The following CIRSR variants were observed in gnomAD, a reference collection of about 807,000 sequenced individuals.
The protein encoded by CIRSR is CBF1 (RBPJ) interacting corepressor 1.
chr2:174,389,745 T>C, the CIRSR span, among the ~76,000 whole-genome samples: 1 of 152,202 alleles, frequency 6.6e-6, no homozygotes, highest in Non-Finnish European at 1.5e-5. Context: ...AGTGGTTTCC[T>C]GGGCCGGGTC....
chr2:174,351,652 C>G, the CIRSR span: 1 of 1,613,910 alleles, frequency 6.2e-7, no homozygotes, highest in Non-Finnish European at 8.5e-7. Flanking sequence ...AGTTTCTCCC[C>G]AGTACATTTC....
chr2:174,375,813 C>A, the CIRSR span, among the ~76,000 whole-genome samples: 1 of 152,060 alleles, frequency 6.6e-6, no homozygotes, highest in African/African-American at 2.4e-5. Context: ...ATCTTTATGT[C>A]CTTTGCTCCT....
At chr2:174,378,799 AAAAC>A in the CIRSR span, 1 of 768,696 alleles carries the variant, frequency 1.3e-6, no homozygotes, top group Non-Finnish European at 2.3e-6. Flanking sequence ...GTCTTAGTCA[AAAAC>A]AAACAAACAA....
At chr2:174,348,589 T>G in the CIRSR span, 1 of 1,614,106 alleles carries the variant, frequency 6.2e-7, no homozygotes, top group Non-Finnish European at 8.5e-7. Context: ...TGGCTTCTGC[T>G]GTCATTTCTT....
the CIRSR span, chr2:174,350,590 G>T: frequency 1.1e-6 from 1 of 940,116 alleles, no homozygotes; most frequent in South Asian, 1.8e-5. Flanking sequence ...CTTAGGATCA[G>T]AGTTGAATAC....
chr2:174,386,497 A>G, the CIRSR span, among the ~76,000 whole-genome samples: 2 of 151,418 alleles, frequency 1.3e-5, no homozygotes, highest in Non-Finnish European at 2.9e-5. Context: ...AGGGTTTTTA[A>G]ACAGTGATGC....
the CIRSR span, among the ~76,000 whole-genome samples, chr2:174,363,029 G>A: frequency 0.018 from 2,745 of 152,190 alleles, 78 homozygotes; most frequent in African/African-American, 0.062. Context: ...CAGTGGGAAG[G>A]GAAAAGTAAC....
chr2:174,354,430 TGATA>T, the CIRSR span, among the ~76,000 whole-genome samples: 31 of 51,020 alleles, frequency 6.1e-4, no homozygotes, highest in Non-Finnish European at 8.9e-4. Context: ...ATATATTATA[TGATA>T]TATATAATAT....
the CIRSR span, chr2:174,369,942 C>T: frequency 1.5e-3 from 2,085 of 1,357,286 alleles, 22 homozygotes; most frequent in African/African-American, 0.028. Context: ...TAAGCACATA[C>T]GGTTGGAAAA....
the CIRSR span, among the ~76,000 whole-genome samples, chr2:174,394,374 GA>G: frequency 6.6e-6 from 1 of 152,088 alleles, no homozygotes; most frequent in Non-Finnish European, 1.5e-5. Flanking sequence ...AAAAGTTATT[GA>G]GCCAACCAAA....
At chr2:174,376,562 CCGAGG>C in the CIRSR span, among the ~76,000 whole-genome samples, 13 of 149,160 alleles carry the variant, frequency 8.7e-5, no homozygotes, top group African/African-American at 3.2e-4. Context: ...CTTTGGGAGG[CCGAGG>C]CGAGTGGATC....
chr2:174,386,662 C>A, the CIRSR span, among the ~76,000 whole-genome samples: 1 of 152,182 alleles, frequency 6.6e-6, no homozygotes, highest in Non-Finnish European at 1.5e-5. Context: ...AACATTGCCA[C>A]GTTCCCTGGG....
chr2:174,391,347 G>C, the CIRSR span, among the ~76,000 whole-genome samples: 1 of 152,112 alleles, frequency 6.6e-6, no homozygotes, highest in Non-Finnish European at 1.5e-5. Flanking sequence ...TAAAATCTTA[G>C]GTTGGGCTGA....
chr2:174,386,349 CTT>C, the CIRSR span, among the ~76,000 whole-genome samples: 1 of 151,966 alleles, frequency 6.6e-6, no homozygotes, highest in East Asian at 1.9e-4. Context: ...GTTTGGCTAA[CTT>C]TGTATTTCTT....
At chr2:174,349,662 G>A in the CIRSR span, among the ~76,000 whole-genome samples, 4 of 150,778 alleles carry the variant, frequency 2.7e-5, no homozygotes, top group Admixed American at 6.6e-5. Flanking sequence ...TATTCAAAGC[G>A]TGAATACATT....
the CIRSR span, among the ~76,000 whole-genome samples, chr2:174,364,857 G>A: frequency 6.6e-6 from 1 of 152,190 alleles, no homozygotes; most frequent in Non-Finnish European, 1.5e-5. Flanking sequence ...CTCTGGGCCT[G>A]TAATGGGAGG....
the CIRSR span, chr2:174,380,915 T>C: frequency 1.1e-6 from 1 of 927,202 alleles, no homozygotes; most frequent in Non-Finnish European, 1.6e-6. Context: ...GTTATTTAAT[T>C]GTCACTTGTA....
At chr2:174,375,985 G>A in the CIRSR span, among the ~76,000 whole-genome samples, 1 of 152,114 alleles carries the variant, frequency 6.6e-6, no homozygotes, top group Non-Finnish European at 1.5e-5. Flanking sequence ...AGCCTCTCAA[G>A]TAGCTGTGAC....
chr2:174,350,605 C>T, the CIRSR span: 2 of 1,156,026 alleles, frequency 1.7e-6, no homozygotes, highest in Non-Finnish European at 2.5e-6. Context: ...GAATACGATA[C>T]TGAGATGAAT....
Sources: gnomAD v4.1 joint callset for allele counts (sites outside exome capture counted in the v4.1 genomes callset) on GRCh38, gnomAD v4.1.1 for gene constraint, MANE v1.5 for transcripts, NCBI Gene and HGNC (gene_info 2026-07-23, HGNC 2026-07-21) for gene names.